DMRT1: variants seen among roughly 807,000 people sequenced by gnomAD.
DMRT1 encodes the protein doublesex- and mab-3-related transcription factor 1.
Under a neutral mutation model 32.3 loss-of-function variants are expected in DMRT1, and 7 were observed. The ratio of observed to expected loss-of-function variants is 0.22; its 90% CI spans 0.12 to 0.41. The LOEUF is 0.41. Ranked by LOEUF, DMRT1 falls within the 10% of genes least tolerant of loss-of-function variation. The probability of loss-of-function intolerance (pLI) is 1.00; values close to 1 mark genes in which losing one functional copy is unlikely to be tolerated. For synonymous variants in DMRT1, 278 were observed against 206.1 expected (o/e 1.35, Z -2.99); for missense variants, 625 against 500.5 (o/e 1.25, Z -2.37).
At chr9:966,926 C>T (rs998891504) in intron 4 of DMRT1, among the ~76,000 whole-genome samples, 2 of 152,212 alleles carry the variant, frequency 1.3e-5, no homozygotes, top group Non-Finnish European at 2.9e-5. Flanking sequence ...TATTGATGAA[C>T]ACAAGCTGAA....
chr9:889,195 G>A (rs1193958505), intron 2 of DMRT1, among the ~76,000 whole-genome samples: 2 of 152,126 alleles, frequency 1.3e-5, no homozygotes, highest in Non-Finnish European at 2.9e-5. Flanking sequence ...TACTAGCAGT[G>A]TTCATATAAA....
intron 4 of DMRT1, among the ~76,000 whole-genome samples, chr9:925,691 C>T (rs1818500345): frequency 6.6e-6 from 1 of 152,188 alleles, no homozygotes; most frequent in South Asian, 2.1e-4. Context: ...AACACACGTG[C>T]AGCTCCTCCA....
chr9:944,404 G>A (rs1819175769), intron 4 of DMRT1, among the ~76,000 whole-genome samples: 1 of 152,144 alleles, frequency 6.6e-6, no homozygotes, highest in Non-Finnish European at 1.5e-5. Flanking sequence ...CACACAATAA[G>A]CACATTCAAT....
intron 2 of DMRT1, among the ~76,000 whole-genome samples, chr9:877,989 A>AG (rs1017349452): frequency 4.5e-4 from 68 of 152,342 alleles, no homozygotes; most frequent in African/African-American, 1.6e-3. Flanking sequence ...AAATTTGGTT[A>AG]GGTGGAGCAG....
At chr9:952,821 T>A (rs1042873926) in intron 4 of DMRT1, among the ~76,000 whole-genome samples, 1 of 152,224 alleles carries the variant, frequency 6.6e-6, no homozygotes. Context: ...GGCATTTAAA[T>A]ACTTTCAACA....
At chr9:947,410 T>G (rs991354790) in intron 4 of DMRT1, among the ~76,000 whole-genome samples, 1 of 152,206 alleles carries the variant, frequency 6.6e-6, no homozygotes, top group African/African-American at 2.4e-5. Context: ...TGTTAATGTG[T>G]CTATTAAGGA....
intron 4 of DMRT1, among the ~76,000 whole-genome samples, chr9:967,049 T>G (rs1819951645): frequency 2.0e-5 from 3 of 152,198 alleles, no homozygotes; most frequent in Admixed American, 2.0e-4. Flanking sequence ...CCATTTGGAA[T>G]TGGTGACAAA....
At chr9:851,042 AAAAG>A (rs1490997061) in intron 2 of DMRT1, among the ~76,000 whole-genome samples, 1 of 51,618 alleles carries the variant, frequency 1.9e-5, no homozygotes. Context: ...AAAAAAAAAA[AAAAG>A]AAAGAAAAAT....
Position 847,023 on chromosome 9 carries a change from C to T in DMRT1, c.418C>T (p.Pro140Ser), listed in dbSNP as rs1051310680. Reference protein sequence around the residue: ...ELGISHPIPLPSAAELLVKRE... With the variant: ...ELGISHPIPLSSAAELLVKRE... ...GGGTATCAGCCACCCCATCCCACTG[C>T]CCAGTGCGGCCGAGCTGCTTGTCAA... Residue 140 changes from proline (P) to serine (S), a missense_variant, in exon 2 of 5, where the codon CCC becomes TCC. Transcript: ENST00000382276. 1.9e-6 allele frequency: 3 copies of T among 1,614,160 alleles called. No individual in the cohort carries two copies. The highest frequency in any genetic ancestry group is 1.7e-5 in the Admixed American group (1 of 60,020).
chr9:879,351 A>G (rs747597868), intron 2 of DMRT1, among the ~76,000 whole-genome samples: 1 of 152,232 alleles, frequency 6.6e-6, no homozygotes, highest in Non-Finnish European at 1.5e-5. Flanking sequence ...AGCATACGTA[A>G]CATACTTCAA....
At chr9:917,872 G>A (rs916538083) in intron 4 of DMRT1, among the ~76,000 whole-genome samples, 21 of 152,312 alleles carry the variant, frequency 1.4e-4, no homozygotes, top group African/African-American at 5.1e-4. Flanking sequence ...GGTCACGGGA[G>A]CCTATGTAGT....
chr9:948,423 G>C (rs187376280), intron 4 of DMRT1, among the ~76,000 whole-genome samples: 1 of 152,160 alleles, frequency 6.6e-6, no homozygotes, highest in East Asian at 1.9e-4. Flanking sequence ...TTTGACATCT[G>C]GGTGTCTGGT....
At chr9:944,932 T>A (rs1457520557) in intron 4 of DMRT1, among the ~76,000 whole-genome samples, 2 of 152,052 alleles carry the variant, frequency 1.3e-5, no homozygotes, top group African/African-American at 4.8e-5. Flanking sequence ...TCTAGTTGCC[T>A]AAAATTAATG....
intron 2 of DMRT1, among the ~76,000 whole-genome samples, chr9:885,065 G>A (rs1157666221): frequency 1.3e-5 from 2 of 152,244 alleles, no homozygotes; most frequent in Admixed American, 1.3e-4. Context: ...CCGTTTTAGA[G>A]CGTGTGAAGG....
intron 3 of DMRT1, among the ~76,000 whole-genome samples, chr9:896,259 C>A (rs1311404754): frequency 6.8e-6 from 1 of 148,078 alleles, no homozygotes; most frequent in Non-Finnish European, 1.5e-5. Flanking sequence ...ACATTTTAAA[C>A]TGAGATTTTT....
chr9:895,589 A>G (rs1050248662), intron 3 of DMRT1, among the ~76,000 whole-genome samples: 2 of 152,140 alleles, frequency 1.3e-5, no homozygotes, highest in African/African-American at 4.8e-5. Flanking sequence ...CAATGTGATG[A>G]TTTGATATAT....
intron 2 of DMRT1, among the ~76,000 whole-genome samples, chr9:865,606 A>G (rs1411657061): frequency 6.6e-6 from 1 of 152,190 alleles, no homozygotes; most frequent in African/African-American, 2.4e-5. Context: ...TGTAGCAATA[A>G]ACAAGTTTTT....
At chr9:909,267 TA>T (rs1817887447) in intron 3 of DMRT1, among the ~76,000 whole-genome samples, 1 of 152,196 alleles carries the variant, frequency 6.6e-6, no homozygotes, top group Non-Finnish European at 1.5e-5. Context: ...GGTGCTTTGG[TA>T]ATCTCTGAAA....
At chr9:907,212 A>G (rs1272723247) in intron 3 of DMRT1, among the ~76,000 whole-genome samples, 1 of 152,210 alleles carries the variant, frequency 6.6e-6, no homozygotes, top group Admixed American at 6.5e-5. Context: ...AAATTTAAAA[A>G]ATACAACCTT....
Sources: gnomAD v4.1 joint callset for allele counts (sites outside exome capture counted in the v4.1 genomes callset) on GRCh38, gnomAD v4.1.1 for gene constraint, MANE v1.5 for transcripts, NCBI Gene and HGNC (gene_info 2026-07-23, HGNC 2026-07-21) for gene names.